The following AGBL4 variants were observed in gnomAD, a reference collection of about 807,000 sequenced individuals.
AGBL4 encodes cytosolic carboxypeptidase 6.
A neutral mutation model predicts 66.4 loss-of-function variants in AGBL4; 58 were observed. The ratio of observed to expected loss-of-function variants is 0.87; its 90% CI spans 0.71 to 1.09. The LOEUF (loss-of-function observed/expected upper bound fraction) is 1.09, where lower values mean the gene tolerates loss of function less well. AGBL4 is among the 50% of genes least tolerant of loss of function. The probability of loss-of-function intolerance (pLI) is 0.00; values close to 1 mark genes in which losing one functional copy is unlikely to be tolerated. For synonymous variants in AGBL4, 234 were observed against 222.9 expected, an observed-to-expected ratio of 1.05 and a Z score of -0.44; for missense variants, 579 against 631.0, an observed-to-expected ratio of 0.92 and a Z score of 0.88.
At chr1:49,404,354 G>C (rs1645150943) in intron 3 of AGBL4, among the ~76,000 whole-genome samples, 1 of 152,274 alleles carries the variant, frequency 6.6e-6, no homozygotes, top group South Asian at 2.1e-4. Context: ...GTCAGAAAGA[G>C]AACCCTCACT....
intron 1 of AGBL4, among the ~76,000 whole-genome samples, chr1:49,918,055 T>C (rs76768227): frequency 6.6e-6 from 1 of 152,162 alleles, no homozygotes; most frequent in African/African-American, 2.4e-5. Flanking sequence ...AGACACAACA[T>C]ACCAGAATCT....
chr1:48,824,899 A>C lies in AGBL4; in HGVS notation c.634+42292T>G, dbSNP rs548928771. Among the ~76,000 whole-genome samples the C allele has an allele frequency of 3.3e-5, 5 of 152,322 alleles. No homozygotes were observed. The East Asian group carries it at 9.7e-4, about 29-fold the overall frequency. ...GGCTGACCTGGAATCTCAGCTCTGC[A>C]ACTACCTGTGTAAAACTGGCAAATC... On this transcript the variant is annotated intron_variant, in intron 6 of 13. Coordinates refer to ENST00000371839, the MANE Select transcript of AGBL4 (RefSeq NM_032785.4).
intron 3 of AGBL4, among the ~76,000 whole-genome samples, chr1:49,637,933 GA>G (rs933606093): frequency 6.6e-6 from 1 of 151,984 alleles, no homozygotes; most frequent in Non-Finnish European, 1.5e-5. Flanking sequence ...ATAAGCACAT[GA>G]AAAAAATATA....
At chr1:49,792,006 C>T (rs1644612410) in intron 2 of AGBL4, among the ~76,000 whole-genome samples, 1 of 152,026 alleles carries the variant, frequency 6.6e-6, no homozygotes, top group Admixed American at 6.6e-5. Flanking sequence ...ATACCTACAA[C>T]ATAAAATTAC....
chr1:49,520,316 A>G (rs1444490467), intron 3 of AGBL4, among the ~76,000 whole-genome samples: 1 of 152,132 alleles, frequency 6.6e-6, no homozygotes, highest in Admixed American at 6.5e-5. Flanking sequence ...TCTCAAAAAT[A>G]AAACAAAACA....
chr1:49,829,779 C>G (rs1645609585), intron 2 of AGBL4, among the ~76,000 whole-genome samples: 1 of 152,074 alleles, frequency 6.6e-6, no homozygotes, highest in Admixed American at 6.6e-5. Context: ...GCCCACACCC[C>G]CTCAACAGGC....
intron 6 of AGBL4, among the ~76,000 whole-genome samples, chr1:48,788,744 C>T (rs11205541): frequency 0.19 from 28,336 of 152,148 alleles, 3,298 homozygotes; most frequent in East Asian, 0.35. Context: ...TTCTTAACTC[C>T]TTTAAGACTG....
Position 49,912,944 on chromosome 1 carries a change from T to C in AGBL4, c.35-61426A>G, listed in dbSNP as rs567973140. 2.0e-5 allele frequency among the ~76,000 whole-genome samples: 3 copies of C among 152,320 alleles called. No homozygotes were observed. The South Asian group carries it at 6.2e-4, about 32-fold the overall frequency. Reference sequence around the variant, plus strand: ...ATGATTCATGAGGACAGAACTTTCATGACTAATCACCTCTTAATGGTCCCC... The same window carrying C: ...ATGATTCATGAGGACAGAACTTTCACGACTAATCACCTCTTAATGGTCCCC... On this transcript the variant is annotated intron_variant, in intron 1 of 13. Coordinates refer to ENST00000371839, the MANE Select transcript of AGBL4 (RefSeq NM_032785.4).
intron 5 of AGBL4, among the ~76,000 whole-genome samples, chr1:49,038,508 A>G (rs1447506077): frequency 6.6e-6 from 1 of 152,122 alleles, no homozygotes; most frequent in Non-Finnish European, 1.5e-5. Context: ...CAACAATAAG[A>G]AAACAAACAA....
Position 48,977,762 on chromosome 1 carries a change from G to T in AGBL4, c.594+67822C>A, listed in dbSNP as rs542488838. Among the ~76,000 whole-genome samples the T allele has an allele frequency of 1.8e-4, 28 of 152,242 alleles. No homozygotes were observed. The South Asian group carries it at 5.4e-3, about 29-fold the overall frequency. ...TGATCCCAATTACTAACGAAAATTG[G>T]GTTGTTGTGACACAAATGGGAGCAA... On this transcript the variant is annotated intron_variant, in intron 5 of 13. Transcript: ENST00000371839.
chr1:49,782,952 A>G (rs1426525860), intron 2 of AGBL4, among the ~76,000 whole-genome samples: 3 of 152,274 alleles, frequency 2.0e-5, no homozygotes, highest in African/African-American at 7.2e-5. Context: ...GTTATATAAT[A>G]GCAGCACAAA....
chr1:48,623,757 C>G (rs1645453601), intron 9 of AGBL4, among the ~76,000 whole-genome samples: 1 of 152,196 alleles, frequency 6.6e-6, no homozygotes, highest in Admixed American at 6.5e-5. Context: ...AATGGGGTAG[C>G]AGGCTATATG....
chr1:48,664,607 T>C (rs948553676), intron 6 of AGBL4, among the ~76,000 whole-genome samples: 1 of 152,224 alleles, frequency 6.6e-6, no homozygotes. Flanking sequence ...CAATGTATAA[T>C]TTGCAATATC....
intron 3 of AGBL4, among the ~76,000 whole-genome samples, chr1:49,661,001 C>T (rs1646259159): frequency 6.6e-6 from 1 of 151,918 alleles, no homozygotes; most frequent in Non-Finnish European, 1.5e-5. Flanking sequence ...CTAATGCATG[C>T]TGGGCTAAAT....
At chr1:49,875,596 G>A (rs1268024608) in intron 1 of AGBL4, among the ~76,000 whole-genome samples, 1 of 148,500 alleles carries the variant, frequency 6.7e-6, no homozygotes, top group Non-Finnish European at 1.5e-5. Context: ...TTGCTATTGT[G>A]AATAATGCCG....
intron 2 of AGBL4, among the ~76,000 whole-genome samples, chr1:49,750,133 T>C (rs762836561): frequency 1.6e-4 from 24 of 152,162 alleles, no homozygotes; most frequent in Non-Finnish European, 7.4e-5. Flanking sequence ...ATGGATCATA[T>C]ACCCAAATGT....
intron 6 of AGBL4, among the ~76,000 whole-genome samples, chr1:48,688,345 C>A (rs75128343): frequency 6.6e-6 from 1 of 152,176 alleles, no homozygotes; most frequent in African/African-American, 2.4e-5. Flanking sequence ...GCTTCCAGGG[C>A]GCTCCTCCTT....
chr1:49,070,935 T>A (rs1644591082), intron 4 of AGBL4, among the ~76,000 whole-genome samples: 1 of 151,976 alleles, frequency 6.6e-6, no homozygotes, highest in Non-Finnish European at 1.5e-5. Flanking sequence ...GTTATTGGTC[T>A]ATTCAGAGAT....
intron 4 of AGBL4, among the ~76,000 whole-genome samples, chr1:49,179,905 T>A (rs541044745): frequency 3.3e-5 from 5 of 151,952 alleles, no homozygotes; most frequent in East Asian, 1.9e-4. Flanking sequence ...TTTTTTATTT[T>A]TTTTTTATTT....
Sources: allele counts gnomAD v4.1 joint callset (sites outside exome capture counted in the v4.1 genomes callset), GRCh38; gene constraint gnomAD v4.1.1; transcripts MANE v1.5; gene names NCBI Gene and HGNC (gene_info 2026-07-23, HGNC 2026-07-21).